The following PARG variants were observed in gnomAD, a reference collection of about 807,000 sequenced individuals.
The protein encoded by PARG is mitochondrial poly(ADP-ribose) glycohydrolase.
PARG carries 35 observed loss-of-function variants against 113.0 expected under a neutral mutation model. That is an observed-to-expected ratio of 0.31 (90% CI 0.24 to 0.41). The LOEUF (loss-of-function observed/expected upper bound fraction) is 0.41. Among genes scored for constraint, PARG ranks in the 10% least tolerant of loss-of-function variants. PARG has a pLI of 1.00. For synonymous variants in PARG, 330 were observed against 409.9 expected, an observed-to-expected ratio of 0.81 and a Z score of 2.36; for missense variants, 797 against 1,169.4, an observed-to-expected ratio of 0.68 and a Z score of 4.64.
rs184699980 is a variant in PARG at position 49,897,000 on chromosome 10, C to T, written c.1738-11705G>A. On this transcript the variant is annotated intron_variant, in intron 7 of 17. Coordinates refer to ENST00000616448, the MANE Select transcript of PARG (RefSeq NM_003631.5). ...TTTGTCTCACATATGTTAAAATAGTCTCCCCTGTCTGTCATGAAACCACTA... is the reference window on the plus strand; with the variant it reads ...TTTGTCTCACATATGTTAAAATAGTTTCCCCTGTCTGTCATGAAACCACTA... Among the ~76,000 whole-genome samples the T allele has an allele frequency of 9.4e-3, 1,429 of 152,222 alleles. 12 individuals are homozygous for T. Among genetic ancestry groups the T allele is most frequent in the Non-Finnish European group, 0.015 (1,050 of 68,002 alleles).
chr10:49,913,133 TA>T, intron 7 of PARG, among the ~76,000 whole-genome samples: 1 of 152,348 alleles, frequency 6.6e-6, no homozygotes, highest in African/African-American at 2.4e-5. Flanking sequence ...TACTTCTCAC[TA>T]ACCACTGCAA....
chr10:49,832,763 T>C, intron 16 of PARG, 40 bp downstream of exon 16: 1 of 1,183,672 alleles, frequency 8.4e-7, no homozygotes, highest in Non-Finnish European at 1.2e-6. Context: ...ACTTTTTTTG[T>C]GTGGGCAGAA....
At chr10:49,869,265 A>C (rs1160495275) in intron 10 of PARG, among the ~76,000 whole-genome samples, 2 of 152,206 alleles carry the variant, frequency 1.3e-5, no homozygotes, top group African/African-American at 4.8e-5. Context: ...ATTTCAGAGT[A>C]TGTAAACCCC....
intron 9 of PARG, among the ~76,000 whole-genome samples, chr10:49,869,989 G>C (rs531593132): frequency 5.8e-4 from 89 of 152,296 alleles, no homozygotes; most frequent in Non-Finnish European, 9.3e-4. Context: ...GAGGAAATGA[G>C]AGTGGAGGGG....
rs1838619481 is a variant in PARG, at chr10:49,933,962, T to G, written c.486A>C (p.Lys162Asn). ...CACTTTCCAAAAGCTGCTCCGTGTG[T>G]TTCCCTTCATTTTGCCACTTACACA... ...AAMCKWQNEG[K>N]HTEQLLESEP... is the part of the protein sequence containing the mutation. The change falls in exon 3 of 18, where the codon AAA becomes AAC. Residue 162 changes from lysine to asparagine, a missense_variant. Lys to Asn is a moderately conservative substitution (Grantham distance 94). Transcript: ENST00000616448. The G allele has an allele frequency of 2.5e-6, 4 of 1,598,470 alleles. No homozygotes were observed. The highest frequency in any genetic ancestry group is 3.4e-6 in the Non-Finnish European group (4 of 1,165,754).
At chr10:49,904,954 T>C (rs1235087071) in intron 7 of PARG, among the ~76,000 whole-genome samples, 2 of 146,634 alleles carry the variant, frequency 1.4e-5, no homozygotes, top group Non-Finnish European at 3.0e-5. Flanking sequence ...ATAAAGTCAA[T>C]TGCAGAAGTG....
intron 13 of PARG, among the ~76,000 whole-genome samples, chr10:49,856,369 G>A (rs1354956452): frequency 6.6e-6 from 1 of 151,180 alleles, no homozygotes; most frequent in African/African-American, 2.4e-5. Context: ...TAGTAGAGAC[G>A]GGGTTTCATC....
At chr10:49,862,010 A>G (rs1216914278) in intron 11 of PARG, among the ~76,000 whole-genome samples, 1 of 151,904 alleles carries the variant, frequency 6.6e-6, no homozygotes, top group African/African-American at 2.4e-5. Context: ...CTGAGGAAAA[A>G]TGTAGAAAAA....
At chr10:49,846,044 A>T (rs1199438692) in intron 13 of PARG, among the ~76,000 whole-genome samples, 2 of 146,622 alleles carry the variant, frequency 1.4e-5, no homozygotes, top group Admixed American at 6.8e-5. Flanking sequence ...AGTTGACATT[A>T]AAAAAAAAAA....
intron 7 of PARG, among the ~76,000 whole-genome samples, chr10:49,888,122 C>T: frequency 6.6e-6 from 1 of 152,084 alleles, no homozygotes; most frequent in Non-Finnish European, 1.5e-5. Flanking sequence ...TCACCAGTTC[C>T]AGTGAAGTGT....
chr10:49,869,643 T>C lies in PARG; in HGVS notation c.1989-88A>G, dbSNP rs1402126992. ...CTACATCCATATTGCTACCAAGTAA[T>C]ACAAAGAAATAATTCTTCCAGAAGA... On this transcript the variant is annotated intron_variant, in intron 9 of 17. Coordinates refer to ENST00000616448, the MANE Select transcript of PARG (RefSeq NM_003631.5). 4 of 642,174 alleles carry C rather than the reference T, an allele frequency of 6.2e-6. No homozygotes were observed. In the African/African-American group the frequency reaches 7.4e-5, roughly 12 times the overall value. 39.8% of individuals were successfully genotyped at this position (642,174 alleles called of 1,614,324 possible).
chr10:49,833,182 T>C (rs1844756037), intron 15 of PARG: 1 of 206,796 alleles, frequency 4.8e-6, no homozygotes, highest in Non-Finnish European at 9.6e-6. Flanking sequence ...CAGGTCCCAA[T>C]TTATTTTTCC....
chr10:49,830,768 T>C lies in PARG; in HGVS notation c.2647+2035A>G, dbSNP rs782242132. On this transcript the variant is annotated intron_variant, in intron 16 of 17. Coordinates refer to ENST00000616448, the MANE Select transcript of PARG (RefSeq NM_003631.5). ...GTTCATGTGAGGAAGACAATGTGAATTGATATCACCTTTCAGAGTGAAATC... is the reference window on the plus strand; with the variant it reads ...GTTCATGTGAGGAAGACAATGTGAACTGATATCACCTTTCAGAGTGAAATC... Among the ~76,000 whole-genome samples the C allele has an allele frequency of 3.3e-5, 5 of 152,318 alleles. No homozygotes were observed. The East Asian group carries it at 5.8e-4, about 18-fold the overall frequency.
At chr10:49,890,044 C>T (rs146702921) in intron 7 of PARG, among the ~76,000 whole-genome samples, 6 of 151,872 alleles carry the variant, frequency 4.0e-5, no homozygotes, top group East Asian at 3.9e-4. Context: ...CTTAACTTCA[C>T]GAAAAGCAAG....
chr10:49,907,984 C>A (rs1554845399), intron 7 of PARG, among the ~76,000 whole-genome samples: 1 of 152,154 alleles, frequency 6.6e-6, no homozygotes, highest in Non-Finnish European at 1.5e-5. Flanking sequence ...AGCTTAATTT[C>A]ATTATTAGAA....
chr10:49,920,631 T>C (rs1837815426), intron 6 of PARG, among the ~76,000 whole-genome samples: 1 of 148,200 alleles, frequency 6.7e-6, no homozygotes, highest in Admixed American at 6.8e-5. Flanking sequence ...TATATACATG[T>C]ATATATATAC....
At chr10:49,931,510 C>T (rs1378929856) in intron 4 of PARG, among the ~76,000 whole-genome samples, 2 of 152,096 alleles carry the variant, frequency 1.3e-5, no homozygotes, top group East Asian at 3.9e-4. Flanking sequence ...ATCTTGTCCC[C>T]ACCCAGGAAC....
intron 16 of PARG, among the ~76,000 whole-genome samples, chr10:49,828,092 C>CAAACA (rs1844451096): frequency 4.0e-5 from 2 of 50,368 alleles, no homozygotes; most frequent in Admixed American, 3.3e-4. Context: ...AAAGCTTAAA[C>CAAACA]AAAAAAAAAA....
At position 49,819,368 on chromosome 10, in the gene PARG, T is replaced by C. The variant is rs1297116776; in HGVS notation, c.2903A>G (p.Asp968Gly). 1.0e-5 allele frequency: 16 copies of C among 1,551,476 alleles called. No homozygotes were observed. The highest frequency in any genetic ancestry group is 1.4e-5 in the Non-Finnish European group (16 of 1,146,916). Residue 968 changes from aspartate to glycine, a missense_variant, in exon 18 of 18, where the codon GAC becomes GGC. By Grantham distance (94) the Asp-to-Gly change is moderately conservative. Coordinates refer to ENST00000616448, the MANE Select transcript of PARG (RefSeq NM_003631.5). ...HAVESCAETA[D>G]HSGQRTGT ...GGTCCCTGTCCTTTGCCCTGAATGG[T>C]CAGCGGTCTCTGCACAGGACTCGAC...
Sources: allele counts gnomAD v4.1 joint callset (sites outside exome capture counted in the v4.1 genomes callset), GRCh38; gene constraint gnomAD v4.1.1; transcripts MANE v1.5; gene names NCBI Gene and HGNC (gene_info 2026-07-23, HGNC 2026-07-21).